The following TANC2 variants were observed in gnomAD, a reference collection of about 807,000 sequenced individuals.
TANC2 encodes protein TANC2.
TANC2 carries 26 observed loss-of-function variants against 210.5 expected under a neutral mutation model. The ratio of observed to expected loss-of-function variants is 0.12; its 90% CI spans 0.09 to 0.17. The LOEUF (loss-of-function observed/expected upper bound fraction) is 0.17. Among genes scored for constraint, TANC2 ranks in the 10% least tolerant of loss-of-function variants. The probability of loss-of-function intolerance (pLI) is 1.00; values close to 1 mark genes in which losing one functional copy is unlikely to be tolerated. For missense variants in TANC2, 2,129 were observed against 2,608.9 expected (o/e 0.82, Z 4.01); for synonymous variants, 931 against 967.1 (o/e 0.96, Z 0.69).
At chr17:63,024,484 A>C (rs1264279950) in intron 2 of TANC2, among the ~76,000 whole-genome samples, 1 of 152,130 alleles carries the variant, frequency 6.6e-6, no homozygotes, top group Non-Finnish European at 1.5e-5. Context: ...TTGGGCCGGC[A>C]TCTTTACTGC....
intron 12 of TANC2, among the ~76,000 whole-genome samples, chr17:63,340,887 G>C (rs1184629006): frequency 6.6e-6 from 1 of 152,032 alleles, no homozygotes; most frequent in Non-Finnish European, 1.5e-5. Context: ...TTTTAAAAGT[G>C]AAAAAAATTA....
chr17:63,063,565 T>A (rs2036078676), intron 2 of TANC2, among the ~76,000 whole-genome samples: 1 of 116,828 alleles, frequency 8.6e-6, no homozygotes, highest in South Asian at 2.6e-4. Flanking sequence ...TGTGTGTGTG[T>A]GTGTGTGTGT....
At chr17:63,231,803 C>T (rs1036631649) in intron 7 of TANC2, among the ~76,000 whole-genome samples, 28 of 152,126 alleles carry the variant, frequency 1.8e-4, no homozygotes, top group African/African-American at 6.5e-4. Context: ...TGAATGTTAG[C>T]TTGTCTTGTT....
At chr17:63,328,621 A>G (rs1166768111) in intron 11 of TANC2, among the ~76,000 whole-genome samples, 1 of 151,366 alleles carries the variant, frequency 6.6e-6, no homozygotes, top group African/African-American at 2.4e-5. Flanking sequence ...GATAGTTACC[A>G]GAGACTGGGA....
chr17:63,389,208 A>C (rs986379899), intron 16 of TANC2, 100 bp from the exon 17 acceptor site: 2 of 868,390 alleles, frequency 2.3e-6, no homozygotes, highest in African/African-American at 3.4e-5. Flanking sequence ...ACTAAATGCT[A>C]CTAGACACTG....
intron 11 of TANC2, among the ~76,000 whole-genome samples, chr17:63,327,851 G>T (rs1223015053): frequency 6.6e-6 from 1 of 151,916 alleles, no homozygotes; most frequent in Non-Finnish European, 1.5e-5. Context: ...GTATACATGT[G>T]CCATGCTGGT....
chr17:63,350,367 C>T (rs2046561927), intron 12 of TANC2, among the ~76,000 whole-genome samples: 1 of 152,114 alleles, frequency 6.6e-6, no homozygotes, highest in Admixed American at 6.5e-5. Flanking sequence ...ATTTGTTATT[C>T]ACAATTCACT....
intron 9 of TANC2, among the ~76,000 whole-genome samples, chr17:63,270,059 C>T (rs2043651037): frequency 6.6e-6 from 1 of 152,078 alleles, no homozygotes. Context: ...TTCCTTTTAG[C>T]AGTCTAAACG....
At chr17:63,128,111 A>G (rs770432628) in intron 4 of TANC2, among the ~76,000 whole-genome samples, 6 of 152,190 alleles carry the variant, frequency 3.9e-5, no homozygotes, top group Non-Finnish European at 7.3e-5. Context: ...CCTATAAAAG[A>G]GTTTCTAGGA....
intron 2 of TANC2, among the ~76,000 whole-genome samples, chr17:63,043,159 G>T (rs1430053470): frequency 6.6e-6 from 1 of 152,054 alleles, no homozygotes; most frequent in Non-Finnish European, 1.5e-5. Context: ...AATTAGTTAA[G>T]TAGATTGAAG....
At chr17:63,190,739 A>C (rs901626920) in intron 5 of TANC2, among the ~76,000 whole-genome samples, 1 of 152,084 alleles carries the variant, frequency 6.6e-6, no homozygotes, top group Non-Finnish European at 1.5e-5. Flanking sequence ...TCCCCCCTGC[A>C]AAAAAAGAAG....
At chr17:63,415,652 C>T (rs745679564) in exon 26 of TANC2, 10 of 1,613,574 alleles carry the variant, frequency 6.2e-6, no homozygotes, top group Non-Finnish European at 8.5e-6. Context: ...CTCAACCTCT[C>T]TCGGTGTCGC....
At chr17:63,284,210 G>T (rs904311295) in intron 9 of TANC2, among the ~76,000 whole-genome samples, 1 of 151,832 alleles carries the variant, frequency 6.6e-6, no homozygotes, top group African/African-American at 2.4e-5. Context: ...ATCAATAGAA[G>T]TTATATTTTT....
intron 1 of TANC2, among the ~76,000 whole-genome samples, chr17:62,980,772 A>G (rs367883465): frequency 4.0e-5 from 6 of 151,740 alleles, no homozygotes; most frequent in African/African-American, 9.7e-5. Context: ...ACCACCTCCT[A>G]TTTTTCTGGC....
intron 7 of TANC2, among the ~76,000 whole-genome samples, chr17:63,221,355 A>G (rs1460198795): frequency 6.6e-6 from 1 of 150,738 alleles, no homozygotes; most frequent in African/African-American, 2.4e-5. Context: ...AGACTGGAGA[A>G]TTGCTTGAAC....
At chr17:63,023,001 G>A (rs572990740) in intron 2 of TANC2, among the ~76,000 whole-genome samples, 13 of 152,368 alleles carry the variant, frequency 8.5e-5, no homozygotes, top group African/African-American at 2.9e-4. Flanking sequence ...AATGCAAGAG[G>A]TGTGGAAGAG....
intron 1 of TANC2, among the ~76,000 whole-genome samples, chr17:62,984,934 G>C (rs189928258): frequency 1.7e-3 from 255 of 152,242 alleles, no homozygotes; most frequent in African/African-American, 5.9e-3. Context: ...TGCAGGTGTT[G>C]GGTGAAACAC....
chr17:63,360,170 G>A (rs2046916186), intron 14 of TANC2, among the ~76,000 whole-genome samples: 1 of 152,226 alleles, frequency 6.6e-6, no homozygotes, highest in South Asian at 2.1e-4. Flanking sequence ...GTGAGTTGAA[G>A]TTTGTGTTGA....
At chr17:63,374,645 G>A (rs780854558) in intron 14 of TANC2, among the ~76,000 whole-genome samples, 3 of 152,160 alleles carry the variant, frequency 2.0e-5, no homozygotes, top group Non-Finnish European at 2.9e-5. Context: ...AACTAAACAG[G>A]AAAGAGAATT....
Sources: allele counts gnomAD v4.1 joint callset (sites outside exome capture counted in the v4.1 genomes callset), GRCh38; gene constraint gnomAD v4.1.1; transcripts MANE v1.5; gene names NCBI Gene and HGNC (gene_info 2026-07-23, HGNC 2026-07-21).